The following SNTB2 variants were observed in gnomAD, a reference collection of about 807,000 sequenced individuals.
The protein encoded by SNTB2 is beta-2-syntrophin.
SNTB2 carries 34 observed loss-of-function variants against 46.2 expected under a neutral mutation model. The observed-to-expected ratio is 0.74, with a 90% CI of 0.56 to 0.98. SNTB2 has a LOEUF of 0.98. SNTB2 is among the 50% of genes least tolerant of loss of function. The pLI is 0.00. For missense variants in SNTB2, 603 were observed against 731.4 expected, an observed-to-expected ratio of 0.82 and a Z score of 2.02; for synonymous variants, 290 against 312.6, an observed-to-expected ratio of 0.93 and a Z score of 0.76.
At chr16:69,300,037 T>C (rs369036754) in intron 6 of SNTB2, among the ~76,000 whole-genome samples, 3 of 151,336 alleles carry the variant, frequency 2.0e-5, no homozygotes, top group African/African-American at 4.9e-5. Context: ...GACTGGACTA[T>C]AGGTGTGTGC....
In SNTB2 at chr16:69,245,747, C is replaced by T; in HGVS notation, c.726C>T (p.Asp242=). ...CAAAACACCAGAACAGCACCAAGGACAGGAAGATCATCCCTCTCAAAATGT... is the reference window on the plus strand; with the variant it reads ...CAAAACACCAGAACAGCACCAAGGATAGGAAGATCATCCCTCTCAAAATGT... ...GSPKHQNSTK[D]RKIIPLKMCF... is the part of the protein sequence containing the mutation. Residue 242 remains aspartate (D), a synonymous_variant, in exon 2 of 7, where the codon GAC becomes GAT. Transcript: ENST00000336278. The T allele has an allele frequency of 6.2e-7, 1 of 1,614,158 alleles. No individual in the cohort carries two copies. The highest frequency in any genetic ancestry group is 8.5e-7 in the Non-Finnish European group (1 of 1,180,020).
In SNTB2 at chr16:69,306,329, A is replaced by C. The variant is rs1965316259; in HGVS notation, c.*5405A>C. 6.6e-6 allele frequency: 1 copy of C among 152,208 alleles called. No individual in the cohort carries two copies. The highest frequency in any genetic ancestry group is 2.4e-5 in the African/African-American group (1 of 41,456). 9.4% of individuals were successfully genotyped at this position (152,208 alleles called of 1,614,324 possible). A position where few individuals can be genotyped will look rare whatever the true frequency, so the allele number is the denominator to read the frequency against. On this transcript the variant is annotated 3_prime_UTR_variant, in exon 7 of 7. Coordinates refer to ENST00000336278, the MANE Select transcript of SNTB2 (RefSeq NM_006750.4). ...AGTAACTCAGAAGAATCTTTTAATAAGTTTCTTCTTTTGTTTCAAAACAAA... is the reference window on the plus strand; with the variant it reads ...AGTAACTCAGAAGAATCTTTTAATACGTTTCTTCTTTTGTTTCAAAACAAA...
At chr16:69,235,690 A>G in intron 1 of SNTB2, 1 of 1,258,622 alleles carries the variant, frequency 7.9e-7, no homozygotes, top group Non-Finnish European at 1.0e-6. Flanking sequence ...ACAGCTTCAA[A>G]CTGCTGTATC....
At chr16:69,258,598 GTTCT>G (rs1555499965) in intron 2 of SNTB2, among the ~76,000 whole-genome samples, 1 of 106,702 alleles carries the variant, frequency 9.4e-6, no homozygotes, top group Non-Finnish European at 2.0e-5. Context: ...TAATTTTCTT[GTTCT>G]TTCTTTTTTT....
At chr16:69,243,020 TAAAAAAAA>T (rs371176390) in intron 1 of SNTB2, among the ~76,000 whole-genome samples, 66 of 96,078 alleles carry the variant, frequency 6.9e-4, no homozygotes, top group African/African-American at 2.5e-3. Flanking sequence ...GACTGCATCT[TAAAAAAAA>T]AAAAAAAAAA....
chr16:69,262,360 C>T (rs554251040), intron 3 of SNTB2, among the ~76,000 whole-genome samples: 6 of 150,124 alleles, frequency 4.0e-5, no homozygotes, highest in East Asian at 2.0e-4. Flanking sequence ...GGCTGGAGTG[C>T]GGTGGCGCGA....
chr16:69,284,485 AAAAAAAAT>A, intron 5 of SNTB2, among the ~76,000 whole-genome samples: 1 of 149,692 alleles, frequency 6.7e-6, no homozygotes, highest in Non-Finnish European at 1.5e-5. Context: ...AAAAAAAAAA[AAAAAAAAT>A]CCGTGCACAG....
intron 5 of SNTB2, among the ~76,000 whole-genome samples, chr16:69,294,360 GA>G (rs1019040572): frequency 8.7e-5 from 13 of 149,108 alleles, no homozygotes; most frequent in Middle Eastern, 6.9e-3. Context: ...GTATCATCAG[GA>G]AAAAAAAAAT....
chr16:69,248,235 G>A (rs1419534856), intron 2 of SNTB2, among the ~76,000 whole-genome samples: 2 of 152,290 alleles, frequency 1.3e-5, no homozygotes, highest in Admixed American at 6.5e-5. Flanking sequence ...AAATTACTTT[G>A]TGCTACATAT....
At chr16:69,220,154 ATTTTT>A (rs889068336) in intron 1 of SNTB2, among the ~76,000 whole-genome samples, 2 of 97,552 alleles carry the variant, frequency 2.1e-5, no homozygotes, top group Admixed American at 1.1e-4. Context: ...AGAAAGTCAG[ATTTTT>A]TTTTTTTTTT....
Position 69,303,242 on chromosome 16 carries a change from A to C in SNTB2, c.*2318A>C, listed in dbSNP as rs566648894. The C allele has an allele frequency of 6.6e-6, 1 of 152,350 alleles. No homozygotes were observed. Among genetic ancestry groups the C allele is most frequent in the East Asian group, 1.9e-4 (1 of 5,190 alleles). The allele number at this position is 152,350 out of a possible 1,614,324, so 9.4% of individuals were successfully genotyped here. On this transcript the variant is annotated 3_prime_UTR_variant, in exon 7 of 7. Transcript: ENST00000336278. ...AAATGATTTCTGGAATCAGAATTTC[A>C]ATATGTAATACCCTCAGGTAGGCAA...
Position 69,270,214 on chromosome 16 carries a change from C to G in SNTB2, c.1077C>G (p.Leu359=). 1 of 1,614,144 alleles carries G rather than the reference C, an allele frequency of 6.2e-7. No individual in the cohort carries two copies. The highest frequency in any genetic ancestry group is 8.5e-7 in the Non-Finnish European group (1 of 1,180,038). ...LMAVTEKDLL[L]YDCMPWTRDA... The stretch of plus-strand genomic sequence containing the variant: ...CTGTGACTGAGAAGGATTTGCTGCT[C>G]TATGACTGTATGCCGTGGACAAGAG... Residue 359 remains leucine, a synonymous_variant, in exon 4 of 7, where the codon CTC becomes CTG. Coordinates refer to ENST00000336278, the MANE Select transcript of SNTB2 (RefSeq NM_006750.4).
chr16:69,216,756 CAT>C (rs1234731934), intron 1 of SNTB2, among the ~76,000 whole-genome samples: 5 of 151,818 alleles, frequency 3.3e-5, no homozygotes, highest in Admixed American at 2.6e-4. Context: ...AAGGGATGGA[CAT>C]ATGGGAAGCA....
intron 1 of SNTB2, among the ~76,000 whole-genome samples, chr16:69,196,652 C>T (rs1396434948): frequency 6.6e-6 from 1 of 152,078 alleles, no homozygotes; most frequent in African/African-American, 2.4e-5. Context: ...GGATTACAGG[C>T]GTGAGCCACC....
intron 1 of SNTB2, among the ~76,000 whole-genome samples, chr16:69,213,334 A>T (rs965248736): frequency 3.3e-5 from 5 of 152,128 alleles, no homozygotes; most frequent in Non-Finnish European, 7.4e-5. Flanking sequence ...AATGTGTTTT[A>T]TTCTCAGTAT....
intron 4 of SNTB2, among the ~76,000 whole-genome samples, chr16:69,278,184 G>A (rs934797663): frequency 5.9e-5 from 9 of 152,130 alleles, no homozygotes; most frequent in African/African-American, 2.2e-4. Flanking sequence ...GGGCGTGGTG[G>A]CGCATGCCTA....
chr16:69,282,649 T>C (rs1965061164), intron 4 of SNTB2, among the ~76,000 whole-genome samples: 1 of 143,422 alleles, frequency 7.0e-6, no homozygotes, highest in Non-Finnish European at 1.5e-5. Context: ...GGGATTTTAA[T>C]GGGATGGCAT....
Position 69,259,901 on chromosome 16 carries a change from T to A in SNTB2, c.795-149T>A. 4.3e-6 allele frequency: 3 copies of A among 695,836 alleles called. No homozygotes were observed. In the South Asian group the frequency reaches 5.2e-5, roughly 12 times the overall value. The allele number at this position is 695,836 out of a possible 1,614,324, so 43.1% of individuals were successfully genotyped here. A position where few individuals can be genotyped will look rare whatever the true frequency, so the allele number is the denominator to read the frequency against. On this transcript the variant is annotated intron_variant, in intron 2 of 6. Coordinates refer to ENST00000336278, the MANE Select transcript of SNTB2 (RefSeq NM_006750.4). ...CTAGTATTACAGGCATGAGCCACCG[T>A]GCCCAGCCAAGAAAGTATCTTTATT...
chr16:69,258,084 A>G (rs758724859), intron 2 of SNTB2, among the ~76,000 whole-genome samples: 10 of 152,254 alleles, frequency 6.6e-5, no homozygotes, highest in Non-Finnish European at 1.3e-4. Flanking sequence ...ATGCTAGTAT[A>G]CTTGTAAATT....
Sources: gnomAD v4.1 joint callset for allele counts (sites outside exome capture counted in the v4.1 genomes callset) on GRCh38, gnomAD v4.1.1 for gene constraint, MANE v1.5 for transcripts, NCBI Gene and HGNC (gene_info 2026-07-23, HGNC 2026-07-21) for gene names.